The following AKT3 variants were observed in gnomAD, a reference collection of about 807,000 sequenced individuals.
AKT3 encodes the protein AKT serine/threonine kinase 3.
Under a neutral mutation model 65.3 loss-of-function variants are expected in AKT3, and 15 were observed. The observed-to-expected ratio is 0.23, with a 90% CI of 0.15 to 0.35. The LOEUF is 0.35. Ranked by LOEUF, AKT3 falls within the 10% of genes least tolerant of loss-of-function variation. The probability of loss-of-function intolerance (pLI) is 1.00; values close to 1 mark genes in which losing one functional copy is unlikely to be tolerated. For missense variants in AKT3, 243 were observed against 576.5 expected (o/e 0.42, Z 5.92); for synonymous variants, 206 against 183.8 (o/e 1.12, Z -0.98).
chr1:243,536,017 A>G (rs1671901748), intron 12 of AKT3, among the ~76,000 whole-genome samples: 2 of 152,142 alleles, frequency 1.3e-5, no homozygotes. Flanking sequence ...CCATTTGCAC[A>G]TATTTTCTTT....
At chr1:243,827,407 T>G (rs1269687196) in intron 2 of AKT3, among the ~76,000 whole-genome samples, 1 of 152,164 alleles carries the variant, frequency 6.6e-6, no homozygotes, top group South Asian at 2.1e-4. Context: ...CTATAAAGAT[T>G]GAGAAATTAA....
Position 243,762,299 on chromosome 1 carries a change from A to G in AKT3, c.47-66583T>C, listed in dbSNP as rs574861637. ...TCATAGACAATAAATTTGCTATGTA[A>G]TATGTTTATTAAATACCCCCTTTGA... On this transcript the variant is annotated intron_variant, in intron 2 of 13. Transcript: ENST00000673466. 1.2e-3 allele frequency among the ~76,000 whole-genome samples: 190 copies of G among 152,184 alleles called. 1 individual carries two copies. Among genetic ancestry groups the G allele is most frequent in the African/African-American group, 4.4e-3 (181 of 41,570 alleles).
At chr1:243,629,361 A>C (rs1433385317) in intron 6 of AKT3, among the ~76,000 whole-genome samples, 1 of 152,240 alleles carries the variant, frequency 6.6e-6, no homozygotes, top group Non-Finnish European at 1.5e-5. Flanking sequence ...ATGGGAATTT[A>C]AGGGGTGAAT....
chr1:243,722,103 A>C (rs967806755), intron 2 of AKT3, among the ~76,000 whole-genome samples: 1 of 152,166 alleles, frequency 6.6e-6, no homozygotes, highest in Non-Finnish European at 1.5e-5. Context: ...AAATTTACAC[A>C]GCTTAGCAGG....
intron 8 of AKT3, among the ~76,000 whole-genome samples, chr1:243,582,300 G>A (rs1033240434): frequency 1.3e-5 from 2 of 151,604 alleles, no homozygotes; most frequent in Non-Finnish European, 2.9e-5. Flanking sequence ...TCACCAGACT[G>A]TCCAAGGTCA....
intron 2 of AKT3, among the ~76,000 whole-genome samples, chr1:243,720,731 A>T (rs1247589849): frequency 1.3e-5 from 2 of 152,192 alleles, no homozygotes; most frequent in Non-Finnish European, 2.9e-5. Context: ...AAGGGTTAAT[A>T]CAATTTGGAG....
chr1:243,789,318 C>T (rs1558812044), intron 2 of AKT3, among the ~76,000 whole-genome samples: 1 of 152,186 alleles, frequency 6.6e-6, no homozygotes, highest in Non-Finnish European at 1.5e-5. Context: ...CCAGGGAGTT[C>T]AAGGCTGCAG....
At chr1:243,814,922 A>T (rs571446902) in intron 2 of AKT3, among the ~76,000 whole-genome samples, 6 of 152,234 alleles carry the variant, frequency 3.9e-5, no homozygotes, top group Non-Finnish European at 8.8e-5. Context: ...TCTGAAATCC[A>T]GCAGGTGTTT....
chr1:243,488,973 G>T (rs759994173), intron 13 of AKT3: 1 of 1,612,874 alleles, frequency 6.2e-7, no homozygotes, highest in Non-Finnish European at 8.5e-7. Flanking sequence ...TTGAAAGGCT[G>T]ACGTTATCCC....
chr1:243,625,237 T>C lies in AKT3; in HGVS notation c.562-10076A>G, dbSNP rs558341475. Among the ~76,000 whole-genome samples, 324 of 150,182 alleles carry C rather than the reference T, an allele frequency of 2.2e-3. 2 individuals are homozygous for C. Among genetic ancestry groups the C allele is most frequent in the African/African-American group, 7.1e-3 (292 of 40,850 alleles). On this transcript the variant is annotated intron_variant, in intron 6 of 13. Transcript: ENST00000673466. ...ACCTCTGCCTCCTGGGTTCCAGTGA[T>C]TCTCCTGCCTCAGCCCCTCAAGTAG...
rs370202653 is a variant in AKT3, at chr1:243,499,820, A to G, written c.*5429T>C. 3.7e-6 allele frequency: 6 copies of G among 1,602,276 alleles called. No individual in the cohort carries two copies. The highest frequency in any genetic ancestry group is 5.1e-6 in the Non-Finnish European group (6 of 1,170,366). Reference sequence around the variant, plus strand: ...AACAGAGTGAAATAAATGATTTACAAAGAGATATTTACATTCATCTGGTTT... The same window carrying G: ...AACAGAGTGAAATAAATGATTTACAGAGAGATATTTACATTCATCTGGTTT... On this transcript the variant is annotated 3_prime_UTR_variant, in exon 14 of 14. Transcript: ENST00000673466.
At chr1:243,848,524 A>T (rs957236836) in intron 1 of AKT3, among the ~76,000 whole-genome samples, 4 of 152,192 alleles carry the variant, frequency 2.6e-5, no homozygotes, top group African/African-American at 9.6e-5. Context: ...AGACTCTTCC[A>T]CCTTCGTTTT....
chr1:243,687,416 TA>T (rs1468712922), intron 3 of AKT3: 1 of 152,170 alleles, frequency 6.6e-6, no homozygotes, highest in African/African-American at 2.4e-5. Flanking sequence ...CCTGTAGTGT[TA>T]TAATGAAGGA....
In AKT3 at chr1:243,699,666, C is replaced by T. The variant is rs147902098; in HGVS notation, c.47-3950G>A. Among the ~76,000 whole-genome samples, 196 of 151,410 alleles carry T rather than the reference C, an allele frequency of 1.3e-3. 1 individual carries two copies. Among genetic ancestry groups the T allele is most frequent in the African/African-American group, 4.5e-3 (186 of 41,076 alleles). ...GGTAGTGAGGTGAGTGGTGGACCCT[C>T]GAATGATGTACGCACCCTAATCCCA... On this transcript the variant is annotated intron_variant, in intron 2 of 13. Transcript: ENST00000673466.
chr1:243,632,605 G>A (rs1423971315), intron 6 of AKT3, among the ~76,000 whole-genome samples: 1 of 152,188 alleles, frequency 6.6e-6, no homozygotes, highest in African/African-American at 2.4e-5. Flanking sequence ...CCACTACTGA[G>A]AGAGTCAATC....
intron 2 of AKT3, among the ~76,000 whole-genome samples, chr1:243,782,526 C>T (rs1450195393): frequency 1.3e-5 from 2 of 152,144 alleles, no homozygotes; most frequent in African/African-American, 2.4e-5. Context: ...ATGACCTAAT[C>T]ACCTCACCCA....
At chr1:243,842,303 T>C (rs989366346) in intron 2 of AKT3, among the ~76,000 whole-genome samples, 51 of 152,242 alleles carry the variant, frequency 3.3e-4, no homozygotes, top group African/African-American at 1.2e-3. Context: ...AAAGTAGATA[T>C]ACAGGAACTA....
intron 2 of AKT3, among the ~76,000 whole-genome samples, chr1:243,736,680 C>T (rs747055523): frequency 1.3e-5 from 2 of 151,912 alleles, no homozygotes; most frequent in Admixed American, 6.6e-5. Context: ...GTACTAAGTT[C>T]GAAGATAAAG....
intron 8 of AKT3, among the ~76,000 whole-genome samples, chr1:243,607,501 T>A (rs1677515865): frequency 6.6e-6 from 1 of 152,252 alleles, no homozygotes; most frequent in Admixed American, 6.5e-5. Flanking sequence ...CCATTTGGAA[T>A]GGGTGTATTT....
Sources: gnomAD v4.1 joint callset for allele counts (sites outside exome capture counted in the v4.1 genomes callset) on GRCh38, gnomAD v4.1.1 for gene constraint, MANE v1.5 for transcripts, NCBI Gene and HGNC (gene_info 2026-07-23, HGNC 2026-07-21) for gene names.